The following GET3 variants were observed in gnomAD, a reference collection of about 807,000 sequenced individuals.
The protein encoded by GET3 is guided entry of tail-anchored proteins factor 3, ATPase, also known as ATPase GET3.
A neutral mutation model predicts 32.4 loss-of-function variants in GET3; 15 were observed. The ratio of observed to expected loss-of-function variants is 0.46; its 90% CI spans 0.31 to 0.71. The LOEUF is 0.71. Ranked by LOEUF, GET3 falls within the 30% of genes least tolerant of loss-of-function variation. The pLI is 0.05. For synonymous variants in GET3, 198 were observed against 185.6 expected (o/e 1.07, Z -0.54); for missense variants, 333 against 459.0 (o/e 0.73, Z 2.51).
Position 12,747,712 on chromosome 19 carries a change from C to A in GET3, c.915+120C>A. 7.7e-7 allele frequency: 1 copy of A among 1,302,370 alleles called. No homozygotes were observed. The highest frequency in any genetic ancestry group is 1.1e-6 in the Non-Finnish European group (1 of 951,950). 80.7% of individuals were successfully genotyped at this position (1,302,370 alleles called of 1,614,324 possible). A position where few individuals can be genotyped will look rare whatever the true frequency, so the allele number is the denominator to read the frequency against. ...CCTCCTGCCCTTTGCCCCCACATTT[C>A]AGATCCTTCACCCTTATTCCGGCCA... On this transcript the variant is annotated intron_variant, in intron 6 of 6. Coordinates refer to ENST00000357332, the MANE Select transcript of GET3 (RefSeq NM_004317.4). The surrounding 1 kb of genome is among the most constrained non-coding windows in gnomAD (Gnocchi z 4.0).
rs148293848 is a variant in GET3 at position 12,747,532 on chromosome 19, C to T, written c.855C>T (p.Pro285=). The T allele has an allele frequency of 2.7e-5, 43 of 1,614,006 alleles. No homozygotes were observed. The highest frequency in any genetic ancestry group is 1.1e-4 in the African/African-American group (8 of 75,010). The part of the protein sequence containing the change: ...IIVNQLVFPD[P]EKPCKMCEAR... ...TCAACCAGCTCGTCTTCCCCGACCC[C>T]GAGAAGCCCTGCAAGATGTGTGAGG... Residue 285 remains proline (P), a synonymous_variant, in exon 6 of 7, where the codon CCC becomes CCT. Transcript: ENST00000357332. The surrounding 1 kb of genome is among the most constrained non-coding windows in gnomAD (Gnocchi z 4.0).
intron 2 of GET3, among the ~76,000 whole-genome samples, chr19:12,739,571 C>T (rs941448613): frequency 1.8e-4 from 27 of 152,154 alleles, no homozygotes; most frequent in African/African-American, 6.0e-4. Context: ...ATGGGGAAAA[C>T]TAGGAAAGGA....
In GET3 at chr19:12,745,550, G is replaced by T. The variant is rs747336146; in HGVS notation, c.458+25G>T. The T allele has an allele frequency of 6.2e-7, 1 of 1,612,560 alleles. No homozygotes were observed. Among genetic ancestry groups the T allele is most frequent in the African/African-American group, 1.3e-5 (1 of 74,892 alleles). Reference sequence around the variant, plus strand: ...GGTCAGGCCCAGCCAGCAGGGGTGGGGGCTGCCTGGGGAAGGGGAAGAGCG... The same window carrying T: ...GGTCAGGCCCAGCCAGCAGGGGTGGTGGCTGCCTGGGGAAGGGGAAGAGCG... On this transcript the variant is annotated intron_variant, in intron 3 of 6. Transcript: ENST00000357332. This position sits in a 1 kb window ranked among gnomAD's most constrained non-coding sequence, Gnocchi z 5.0.
chr19:12,738,484 C>G, intron 1 of GET3, 27 bp from the exon 2 acceptor site: 5 of 1,613,204 alleles, frequency 3.1e-6, no homozygotes, highest in Non-Finnish European at 4.2e-6. Context: ...CCCTCATCCC[C>G]TATCTTTTGA....
intron 2 of GET3, among the ~76,000 whole-genome samples, chr19:12,741,837 T>G (rs1016034206): frequency 1.2e-4 from 18 of 152,072 alleles, no homozygotes; most frequent in Non-Finnish European, 2.5e-4. Flanking sequence ...AAGAATTGCT[T>G]GAACCTGGGA....
intron 2 of GET3, among the ~76,000 whole-genome samples, chr19:12,743,256 T>C (rs1483153811): frequency 6.6e-6 from 1 of 152,048 alleles, no homozygotes; most frequent in Admixed American, 6.6e-5. Flanking sequence ...GGTGGGTGGA[T>C]CACCTGAGGT....
rs142704625 is a variant in GET3 at position 12,748,187 on chromosome 19, C to A, written c.*83C>A. 11 of 1,335,640 alleles carry A rather than the reference C, an allele frequency of 8.2e-6. No homozygotes were observed. The highest frequency in any genetic ancestry group is 1.1e-5 in the Non-Finnish European group (11 of 1,003,402). The allele number at this position is 1,335,640 out of a possible 1,614,324, so 82.7% of individuals were successfully genotyped here. ...CCTCGGGGCAGAGTTTGCACAAAGTCCCCCCCATAATACAGGGGGAGCCAC... is the reference window on the plus strand; with the variant it reads ...CCTCGGGGCAGAGTTTGCACAAAGTACCCCCCATAATACAGGGGGAGCCAC... On this transcript the variant is annotated 3_prime_UTR_variant, in exon 7 of 7. Coordinates refer to ENST00000357332, the MANE Select transcript of GET3 (RefSeq NM_004317.4).
upstream of GET3, chr19:12,737,346 GAAGCA>G: frequency 9.2e-7 from 1 of 1,089,118 alleles, no homozygotes; most frequent in Non-Finnish European, 1.2e-6. Context: ...GTGAACCCTG[GAAGCA>G]AAGAATAGTG....
At chr19:12,743,229 G>C (rs900609968) in intron 2 of GET3, among the ~76,000 whole-genome samples, 3 of 152,186 alleles carry the variant, frequency 2.0e-5, no homozygotes, top group Non-Finnish European at 4.4e-5. Context: ...TGTAATCCCA[G>C]CATTTTGGGA....
chr19:12,747,484 G>A lies in GET3; in HGVS notation c.807G>A (p.Lys269=), dbSNP rs997585594. 1 of 1,614,070 alleles carries A rather than the reference G, an allele frequency of 6.2e-7. No individual in the cohort carries two copies. The highest frequency in any genetic ancestry group is 8.5e-7 in the Non-Finnish European group (1 of 1,180,026). ...ERLIQELAKC[K]IDTHNIIVNQ... ...TGATCCAGGAGCTGGCCAAGTGCAAGATTGACACACACAATATAATTGTCA... is the reference window on the plus strand; with the variant it reads ...TGATCCAGGAGCTGGCCAAGTGCAAAATTGACACACACAATATAATTGTCA... Residue 269 remains lysine, a synonymous_variant, in exon 6 of 7, where the codon AAG becomes AAA. Transcript: ENST00000357332. The surrounding 1 kb of genome is among the most constrained non-coding windows in gnomAD (Gnocchi z 4.0).
intron 1 of GET3, among the ~76,000 whole-genome samples, 181 bp from the exon 2 acceptor site, chr19:12,738,327 GAGA>G (rs1215635628): frequency 2.6e-5 from 4 of 152,122 alleles, no homozygotes; most frequent in Non-Finnish European, 5.9e-5. Flanking sequence ...GAGGGGTCAG[GAGA>G]TAAATCAGAG....
chr19:12,739,210 C>G (rs1967623292), intron 2 of GET3, among the ~76,000 whole-genome samples: 1 of 151,992 alleles, frequency 6.6e-6, no homozygotes, highest in African/African-American at 2.4e-5. Context: ...CTCTGTCTCC[C>G]AGGCTGGAGT....
In GET3 at chr19:12,748,030, G is replaced by C; in HGVS notation, c.973G>C (p.Val325Leu). The change falls in exon 7 of 7, where the codon GTG becomes CTG. Residue 325 changes from valine (V) to leucine (L), a missense_variant. Around this residue, in one of 3 missense-constraint regions of GET3, gnomAD observed 39 missense variants for 33.0 expected, o/e 1.18. Transcript: ENST00000357332. The part of the protein sequence containing the change: ...IVKLPLLPHE[V>L]RGADKVNTFS... ...GAAGCTGCCGCTGTTACCCCATGAGGTGCGGGGGGCAGACAAGGTCAACAC... is the reference window on the plus strand; with the variant it reads ...GAAGCTGCCGCTGTTACCCCATGAGCTGCGGGGGGCAGACAAGGTCAACAC... The C allele has an allele frequency of 1.2e-6, 2 of 1,612,240 alleles. No individual in the cohort carries two copies. Among genetic ancestry groups the C allele is most frequent in the Non-Finnish European group, 1.7e-6 (2 of 1,178,754 alleles).
At position 12,745,808 on chromosome 19, in the gene GET3, G is replaced by T. The variant is rs748414197; in HGVS notation, c.609+49G>T. On this transcript the variant is annotated intron_variant, in intron 4 of 6. Transcript: ENST00000357332. The surrounding 1 kb of genome is among the most constrained non-coding windows in gnomAD (Gnocchi z 5.0). The stretch of plus-strand genomic sequence containing the variant: ...GCACCATCCAGGCAGCCGGGAGTGG[G>T]AGTAGGCCCGGGCCCCCAGACCCTC... 1 of 1,552,400 alleles carries T rather than the reference G, an allele frequency of 6.4e-7. No homozygotes were observed. The highest frequency in any genetic ancestry group is 2.3e-5 in the East Asian group (1 of 44,412).
At position 12,747,545 on chromosome 19, in the gene GET3, A is replaced by T; in HGVS notation, c.868A>T (p.Lys290Ter). ...LVFPDPEKPC[K>*]MCEARHKIQA... The stretch of plus-strand genomic sequence containing the variant: ...CTTCCCCGACCCCGAGAAGCCCTGC[A>T]AGATGTGTGAGGCCCGTCACAAGAT... The change falls in exon 6 of 7, where the codon AAG becomes TAG. Residue 290 changes from lysine to a stop codon, truncating the protein, a stop_gained. Transcript: ENST00000357332. LOFTEE classifies it high-confidence loss of function. This position sits in a 1 kb window ranked among gnomAD's most constrained non-coding sequence, Gnocchi z 4.0. The T allele has an allele frequency of 6.2e-7, 1 of 1,613,656 alleles. No individual in the cohort carries two copies. The highest frequency in any genetic ancestry group is 8.5e-7 in the Non-Finnish European group (1 of 1,179,926).
In GET3 at chr19:12,747,184, A is replaced by AT; in HGVS notation, c.610-12dup. The AT allele has an allele frequency of 6.4e-7, 1 of 1,573,124 alleles. No homozygotes were observed. Among genetic ancestry groups the AT allele is most frequent in the Non-Finnish European group, 8.6e-7 (1 of 1,158,718 alleles). ...GCAGGTAAGCTATGAGCCCTCCCAC[A>AT]TCCCCCCTGCAGATGTGCAACATGC... On this transcript the variant is annotated splice_polypyrimidine_tract_variant and intron_variant, in intron 4 of 6. Transcript: ENST00000357332. The surrounding 1 kb of genome is among the most constrained non-coding windows in gnomAD (Gnocchi z 4.0).
intron 2 of GET3, among the ~76,000 whole-genome samples, chr19:12,741,046 G>A (rs1173169302): frequency 2.0e-5 from 3 of 152,166 alleles, no homozygotes; most frequent in Non-Finnish European, 1.5e-5. Context: ...GAGCAAGGGC[G>A]GGCGTGGTGG....
chr19:12,747,223 C>G lies in GET3; in HGVS notation c.636C>G (p.Asp212Glu), dbSNP rs767872756. Residue 212 changes from aspartate to glutamate, a missense_variant, in exon 5 of 7, where the codon GAC becomes GAG. Physicochemically the swap from Asp to Glu is conservative, Grantham distance 45. Transcript: ENST00000357332. This position sits in a 1 kb window ranked among gnomAD's most constrained non-coding sequence, Gnocchi z 4.0. ...TGTGCAACATGCTGGGCCTGGGGGA[C>G]ATGAACGCAGACCAGCTGGCCTCCA... ...SQMCNMLGLG[D>E]MNADQLASKL... 6.2e-7 allele frequency: 1 copy of G among 1,610,000 alleles called. No homozygotes were observed. Among genetic ancestry groups the G allele is most frequent in the East Asian group, 2.2e-5 (1 of 44,838 alleles).
At chr19:12,741,597 A>T (rs1339409480) in intron 2 of GET3, among the ~76,000 whole-genome samples, 1 of 151,868 alleles carries the variant, frequency 6.6e-6, no homozygotes, top group Non-Finnish European at 1.5e-5. Context: ...CGTCTCTACT[A>T]AAAATACAAA....
Sources: allele counts gnomAD v4.1 joint callset (sites outside exome capture counted in the v4.1 genomes callset), GRCh38; gene constraint gnomAD v4.1.1; regional missense constraint gnomAD v4.1.1; non-coding constraint Gnocchi (gnomAD v3.1); transcripts MANE v1.5; gene names NCBI Gene and HGNC (gene_info 2026-07-23, HGNC 2026-07-21).